Variants in SPMIP3 observed in about 807,000 individuals in gnomAD.
SPMIP3 encodes the protein protein SPMIP3.
At chr1:244,371,933 C>A in the SPMIP3 span, among the ~76,000 whole-genome samples, 1 of 152,326 alleles carries the variant, frequency 6.6e-6, no homozygotes, top group Non-Finnish European at 1.5e-5. Context: ...GTCATATTAT[C>A]CCAGCCACTG....
At chr1:244,372,339 G>A in the SPMIP3 span, among the ~76,000 whole-genome samples, 400 of 152,240 alleles carry the variant, frequency 2.6e-3, 2 homozygotes, top group African/African-American at 9.4e-3. Flanking sequence ...AATAAATGTT[G>A]GTTGAGTCGA....
At chr1:244,369,592 G>T in the SPMIP3 span, among the ~76,000 whole-genome samples, 1 of 152,056 alleles carries the variant, frequency 6.6e-6, no homozygotes, top group Non-Finnish European at 1.5e-5. Context: ...AGAGGGAGTC[G>T]CAGTGGGTCT....
chr1:244,379,926 C>T, the SPMIP3 span, among the ~76,000 whole-genome samples: 3 of 150,230 alleles, frequency 2.0e-5, no homozygotes, highest in Non-Finnish European at 4.4e-5. Context: ...CGAGATCGTG[C>T]GACTGCACTC....
At chr1:244,361,398 G>C in the SPMIP3 span, among the ~76,000 whole-genome samples, 10 of 151,624 alleles carry the variant, frequency 6.6e-5, no homozygotes, top group African/African-American at 2.4e-4. Context: ...CTAGTTAATT[G>C]TTGTATTTTT....
chr1:244,364,779 G>T, the SPMIP3 span: 1 of 1,613,428 alleles, frequency 6.2e-7, no homozygotes, highest in Non-Finnish European at 8.5e-7. Flanking sequence ...CAGATGCACA[G>T]CCTCCGGGAC....
chr1:244,380,262 G>A, the SPMIP3 span, among the ~76,000 whole-genome samples: 1 of 151,426 alleles, frequency 6.6e-6, no homozygotes, highest in South Asian at 2.1e-4. Flanking sequence ...TGGGATTACA[G>A]GTATGCGCCA....
At chr1:244,366,397 C>T in the SPMIP3 span, among the ~76,000 whole-genome samples, 1 of 152,136 alleles carries the variant, frequency 6.6e-6, no homozygotes, top group Non-Finnish European at 1.5e-5. Context: ...AACTCCTGGC[C>T]TCAAGCAGTC....
the SPMIP3 span, among the ~76,000 whole-genome samples, chr1:244,385,449 G>C: frequency 4.6e-4 from 70 of 152,302 alleles, no homozygotes; most frequent in African/African-American, 1.6e-3. Context: ...TGTCCTCAGA[G>C]AATTCATAGC....
chr1:244,355,237 G>A, the SPMIP3 span, among the ~76,000 whole-genome samples: 3 of 152,184 alleles, frequency 2.0e-5, no homozygotes, highest in Admixed American at 1.3e-4. Context: ...AGGACTGGAC[G>A]AAATAGCCCA....
chr1:244,368,777 C>A, the SPMIP3 span, among the ~76,000 whole-genome samples: 1 of 152,216 alleles, frequency 6.6e-6, no homozygotes, highest in Non-Finnish European at 1.5e-5. Context: ...CTCAGAGCTA[C>A]GCTACAGAAA....
At chr1:244,379,917 G>A in the SPMIP3 span, among the ~76,000 whole-genome samples, 5 of 151,384 alleles carry the variant, frequency 3.3e-5, no homozygotes, top group African/African-American at 7.3e-5. Context: ...GCGGTGAGCC[G>A]AGATCGTGCG....
the SPMIP3 span, among the ~76,000 whole-genome samples, chr1:244,372,350 A>G: frequency 4.6e-5 from 7 of 152,192 alleles, no homozygotes; most frequent in African/African-American, 1.7e-4. Flanking sequence ...GTTGAGTCGA[A>G]CTGAAGGCAT....
chr1:244,367,582 G>A, the SPMIP3 span, among the ~76,000 whole-genome samples: 4 of 152,160 alleles, frequency 2.6e-5, no homozygotes, highest in Non-Finnish European at 1.5e-5. Context: ...AGCCGGAGCC[G>A]TCAGTGTGCC....
At chr1:244,365,603 A>C in the SPMIP3 span, among the ~76,000 whole-genome samples, 1 of 152,162 alleles carries the variant, frequency 6.6e-6, no homozygotes, top group African/African-American at 2.4e-5. Flanking sequence ...AAAATGGGCT[A>C]ATACAAGGGG....
At chr1:244,367,728 A>C in the SPMIP3 span, among the ~76,000 whole-genome samples, 1 of 152,184 alleles carries the variant, frequency 6.6e-6, no homozygotes, top group Admixed American at 6.5e-5. Flanking sequence ...TCCAGACACC[A>C]CAGAGCACTA....
At chr1:244,357,750 AG>A in the SPMIP3 span, among the ~76,000 whole-genome samples, 1 of 151,006 alleles carries the variant, frequency 6.6e-6, no homozygotes, top group Admixed American at 6.6e-5. Context: ...ATGTGGAAAA[AG>A]TTTCATGATA....
At chr1:244,358,534 G>A in the SPMIP3 span, among the ~76,000 whole-genome samples, 7 of 151,172 alleles carry the variant, frequency 4.6e-5, no homozygotes, top group African/African-American at 1.7e-4. Flanking sequence ...GCAGTGAGCT[G>A]AGATTGCGCC....
At chr1:244,378,180 C>T in the SPMIP3 span, among the ~76,000 whole-genome samples, 82 of 152,130 alleles carry the variant, frequency 5.4e-4, no homozygotes, top group Non-Finnish European at 1.0e-3. Flanking sequence ...ACCTCTGGAG[C>T]GCGGGGAGTG....
the SPMIP3 span, among the ~76,000 whole-genome samples, chr1:244,371,408 A>G: frequency 6.6e-6 from 1 of 152,084 alleles, no homozygotes; most frequent in African/African-American, 2.4e-5. Flanking sequence ...CTGGCTAGAC[A>G]TTTCCCCTTA....
Sources: allele counts gnomAD v4.1 joint callset (sites outside exome capture counted in the v4.1 genomes callset), GRCh38; gene constraint gnomAD v4.1.1; transcripts MANE v1.5; gene names NCBI Gene and HGNC (gene_info 2026-07-23, HGNC 2026-07-21).